Variants in NXPE4 observed in about 807,000 individuals in gnomAD.
NXPE4 encodes the protein neurexophilin and PC-esterase domain family member 4.
In NXPE4, 42 loss-of-function variants were observed where a neutral mutation model predicts 33.3. That is an observed-to-expected ratio of 1.26 (90% CI 0.98 to 1.63). The LOEUF (loss-of-function observed/expected upper bound fraction) is 1.63. NXPE4 is among the 40% of genes most tolerant of loss of function. The pLI, the probability that NXPE4 is intolerant of heterozygous loss-of-function variation, is 0.00. For missense variants in NXPE4, 709 were observed against 647.6 expected (o/e 1.09, Z -1.03); for synonymous variants, 253 against 234.9 (o/e 1.08, Z -0.71).
At chr11:114,627,722 G>A in the NXPE4 span, among the ~76,000 whole-genome samples, 4 of 152,072 alleles carry the variant, frequency 2.6e-5, no homozygotes, top group Non-Finnish European at 5.9e-5. Context: ...GACACAGATT[G>A]GCAAATTGGT....
chr11:114,610,129 G>A, the NXPE4 span, among the ~76,000 whole-genome samples: 23 of 151,698 alleles, frequency 1.5e-4, no homozygotes, highest in South Asian at 4.2e-4. Context: ...CCGTTACCCC[G>A]TGGATAATAA....
chr11:114,639,243 G>C, the NXPE4 span, among the ~76,000 whole-genome samples: 1 of 152,156 alleles, frequency 6.6e-6, no homozygotes, highest in South Asian at 2.1e-4. Context: ...CAATCAGCGA[G>C]ACTCTGTGGG....
chr11:114,631,153 C>A, the NXPE4 span, among the ~76,000 whole-genome samples: 1 of 151,980 alleles, frequency 6.6e-6, no homozygotes, highest in Non-Finnish European at 1.5e-5. Context: ...TACCATTTGA[C>A]CCAGCCATCC....
At chr11:114,627,228 A>G in the NXPE4 span, among the ~76,000 whole-genome samples, 178 of 152,198 alleles carry the variant, frequency 1.2e-3, 2 homozygotes, top group Non-Finnish European at 6.6e-4. Flanking sequence ...CAGATTCACC[A>G]AAGTTGAAAT....
At chr11:114,621,108 C>A in the NXPE4 span, among the ~76,000 whole-genome samples, 1 of 152,154 alleles carries the variant, frequency 6.6e-6, no homozygotes, top group Non-Finnish European at 1.5e-5. Flanking sequence ...TGGGAAACCA[C>A]TGTTACCCTG....
chr11:114,642,007 C>T, the NXPE4 span, among the ~76,000 whole-genome samples: 1 of 151,706 alleles, frequency 6.6e-6, no homozygotes, highest in Non-Finnish European at 1.5e-5. Context: ...TTTTAAAAAC[C>T]CAAATAAAAA....
intron 5 of NXPE4, among the ~76,000 whole-genome samples, chr11:114,575,712 A>C (rs778647515): frequency 3.9e-5 from 6 of 152,214 alleles, no homozygotes; most frequent in Non-Finnish European, 7.3e-5. Context: ...GACATGAATA[A>C]ATGGAAACAC....
At chr11:114,639,646 T>A in the NXPE4 span, among the ~76,000 whole-genome samples, 1 of 144,286 alleles carries the variant, frequency 6.9e-6, no homozygotes, top group Non-Finnish European at 1.5e-5. Flanking sequence ...ATATAATTTA[T>A]TTATATATAA....
chr11:114,625,147 G>A, the NXPE4 span, among the ~76,000 whole-genome samples: 2 of 152,148 alleles, frequency 1.3e-5, no homozygotes, highest in African/African-American at 2.4e-5. Flanking sequence ...TGGATAATAA[G>A]TATTGCCTTG....
In NXPE4 at chr11:114,594,733, CTT is replaced by C. The variant is rs1472477612; in HGVS notation, c.25_26del (p.Lys9ValfsTer47). 1 of 1,587,152 alleles carries C rather than the reference CTT, an allele frequency of 6.3e-7. No individual in the cohort carries two copies. Among genetic ancestry groups the C allele is most frequent in the Non-Finnish European group, 8.6e-7 (1 of 1,159,820 alleles). Reference sequence around the variant, plus strand: ...ATATAAACAACAGTGCCAATAGTGACTTATAATTTATCATACTTATTTTCATG... The same window carrying C: ...ATATAAACAACAGTGCCAATAGTGACATAATTTATCATACTTATTTTCATG... MKISMINY[K>X]SLLALLFILA... On this transcript the variant is annotated frameshift_variant, in exon 2 of 6. Transcript: ENST00000375478. LOFTEE classifies it high-confidence loss of function.
chr11:114,622,816 A>G, the NXPE4 span, among the ~76,000 whole-genome samples: 1 of 152,088 alleles, frequency 6.6e-6, no homozygotes, highest in South Asian at 2.1e-4. Context: ...CTCATGGGTT[A>G]CCACTCTTAC....
At chr11:114,611,975 G>A in the NXPE4 span, among the ~76,000 whole-genome samples, 126 of 152,082 alleles carry the variant, frequency 8.3e-4, 1 homozygote, top group East Asian at 0.021. Context: ...TGCCTCGTGG[G>A]TAACCACAGT....
At chr11:114,636,083 T>A in the NXPE4 span, among the ~76,000 whole-genome samples, 1 of 58,434 alleles carries the variant, frequency 1.7e-5, no homozygotes, top group African/African-American at 7.3e-5. Flanking sequence ...CGACTGTGAA[T>A]CCATCTGGTC....
At chr11:114,648,914 A>G in the NXPE4 span, among the ~76,000 whole-genome samples, 13,949 of 151,474 alleles carry the variant, frequency 0.092, 767 homozygotes, top group Middle Eastern at 0.2. Flanking sequence ...AAGTCAATAC[A>G]TCTTATGTTA....
the NXPE4 span, among the ~76,000 whole-genome samples, chr11:114,652,086 T>G: frequency 6.6e-6 from 1 of 152,190 alleles, no homozygotes; most frequent in South Asian, 2.1e-4. Context: ...ACACCAATAC[T>G]TAAATTTTTT....
chr11:114,613,735 G>T, the NXPE4 span, among the ~76,000 whole-genome samples: 1 of 152,058 alleles, frequency 6.6e-6, no homozygotes, highest in East Asian at 1.9e-4. Context: ...TTGTCTCATG[G>T]GGAACCACTG....
chr11:114,610,849 G>A, the NXPE4 span, among the ~76,000 whole-genome samples: 4 of 151,978 alleles, frequency 2.6e-5, no homozygotes, highest in South Asian at 8.3e-4. Context: ...ATTGCCTCTA[G>A]GGTAACCACT....
chr11:114,607,610 C>T, the NXPE4 span, among the ~76,000 whole-genome samples: 1 of 151,752 alleles, frequency 6.6e-6, no homozygotes, highest in African/African-American at 2.4e-5. Context: ...CGTGAGTAAC[C>T]AGTGTTACCC....
chr11:114,578,751 T>C (rs1369607855), intron 5 of NXPE4, among the ~76,000 whole-genome samples: 3 of 152,180 alleles, frequency 2.0e-5, no homozygotes, highest in Non-Finnish European at 4.4e-5. Flanking sequence ...GTGAGATGGC[T>C]AAGGTCTACT....
Sources: gnomAD v4.1 joint callset for allele counts (sites outside exome capture counted in the v4.1 genomes callset) on GRCh38, gnomAD v4.1.1 for gene constraint, MANE v1.5 for transcripts, NCBI Gene and HGNC (gene_info 2026-07-23, HGNC 2026-07-21) for gene names.